Variants in CECR2 observed in about 807,000 individuals in gnomAD.
CECR2 encodes the protein CECR2 histone acetyl-lysine reader.
A neutral mutation model predicts 154.5 loss-of-function variants in CECR2; 30 were observed. That is an observed-to-expected ratio of 0.19 (90% CI 0.15 to 0.26). The LOEUF (loss-of-function observed/expected upper bound fraction) is 0.26, where lower values mean the gene tolerates loss of function less well. Among genes scored for constraint, CECR2 ranks in the 10% least tolerant of loss-of-function variants. The pLI is 1.00. For synonymous variants in CECR2, 725 were observed against 683.7 expected (o/e 1.06, Z -0.94); for missense variants, 1,743 against 1,829.3 (o/e 0.95, Z 0.86).
intron 2 of CECR2, among the ~76,000 whole-genome samples, chr22:17,479,580 T>TC (rs142327658): frequency 0.26 from 39,366 of 151,830 alleles, 5,328 homozygotes; most frequent in East Asian, 0.31. Flanking sequence ...GCTGAGTTCA[T>TC]CCTCTAATTT....
chr22:17,454,472 G>A (rs2054822272), intron 1 of CECR2, among the ~76,000 whole-genome samples: 1 of 151,978 alleles, frequency 6.6e-6, no homozygotes, highest in South Asian at 2.1e-4. Context: ...AGGTGTGGTG[G>A]CGGGCACCTG....
chr22:17,370,324 G>GC (rs1276538030), intron 1 of CECR2, among the ~76,000 whole-genome samples: 1 of 149,196 alleles, frequency 6.7e-6, no homozygotes, highest in African/African-American at 2.5e-5. Context: ...GGGCGCGGGG[G>GC]GGGGGCCCGC....
intron 2 of CECR2, among the ~76,000 whole-genome samples, chr22:17,491,606 G>A (rs964180788): frequency 1.4e-5 from 2 of 145,470 alleles, no homozygotes; most frequent in African/African-American, 2.5e-5. Context: ...TTTAGCAGTC[G>A]TAGGGCAAAC....
chr22:17,417,103 C>T (rs562970454), intron 1 of CECR2, among the ~76,000 whole-genome samples: 10 of 151,454 alleles, frequency 6.6e-5, no homozygotes, highest in African/African-American at 9.7e-5. Flanking sequence ...GATGTTTTAC[C>T]CTCGTTAATT....
rs1278514042 is a variant in CECR2, at chr22:17,548,511, G to A, written c.3224G>A (p.Gly1075Asp). Reference protein sequence around the residue: ...GSEGKGLGSSGSEKLLCPRGR... With the variant: ...GSEGKGLGSSDSEKLLCPRGR... ...GAGGGGAAGGGCCTTGGTAGCAGTG[G>A]TTCCGAAAAGCTGCTCTGCCCCAGA... The change falls in exon 17 of 19, where the codon GGT becomes GAT. Residue 1075 changes from glycine (G) to aspartate (D), a missense_variant. Coordinates refer to ENST00000262608, the MANE Select transcript of CECR2 (RefSeq NM_001290047.2). 1.2e-6 allele frequency: 2 copies of A among 1,613,696 alleles called. No homozygotes were observed. Among genetic ancestry groups the A allele is most frequent in the Non-Finnish European group, 1.7e-6 (2 of 1,179,836 alleles).
At chr22:17,526,521 A>G (rs1334250610) in intron 9 of CECR2, among the ~76,000 whole-genome samples, 1 of 152,186 alleles carries the variant, frequency 6.6e-6, no homozygotes, top group African/African-American at 2.4e-5. Flanking sequence ...TTAAATAATT[A>G]TATCTAAGGC....
At chr22:17,473,620 A>G (rs966782716) in intron 1 of CECR2, among the ~76,000 whole-genome samples, 1 of 152,216 alleles carries the variant, frequency 6.6e-6, no homozygotes, top group African/African-American at 2.4e-5. Flanking sequence ...AGATGAAATA[A>G]TTGTAAGATA....
intron 1 of CECR2, among the ~76,000 whole-genome samples, chr22:17,360,511 G>A (rs1379418379): frequency 1.3e-5 from 2 of 151,914 alleles, no homozygotes; most frequent in South Asian, 2.1e-4. Flanking sequence ...GTGAAACCCC[G>A]TATCTACTAA....
chr22:17,406,145 T>C (rs2053980614), intron 1 of CECR2, among the ~76,000 whole-genome samples: 1 of 152,248 alleles, frequency 6.6e-6, no homozygotes, highest in African/African-American at 2.4e-5. Flanking sequence ...TTTGTATGAC[T>C]TGCATCCTTT....
intron 9 of CECR2, among the ~76,000 whole-genome samples, chr22:17,531,050 T>C (rs1487501933): frequency 1.3e-5 from 2 of 152,164 alleles, no homozygotes; most frequent in African/African-American, 4.8e-5. Flanking sequence ...GGGTGATATG[T>C]CTGGGTAACT....
At position 17,517,992 on chromosome 22, in the gene CECR2, T is replaced by G. The variant is rs145294050; in HGVS notation, c.954+6096T>G. Among the ~76,000 whole-genome samples, 258 of 147,228 alleles carry G rather than the reference T, an allele frequency of 1.8e-3. 2 individuals carry two copies. The highest frequency in any genetic ancestry group is 3.6e-3 in the Admixed American group (54 of 15,142). On this transcript the variant is annotated intron_variant, in intron 8 of 18. Coordinates refer to ENST00000262608, the MANE Select transcript of CECR2 (RefSeq NM_001290047.2). ...AGTGAGTGTTACTCACTGGCCCAGT[T>G]AAGGGCTTTGACACTGACCACCTCT...
Position 17,537,198 on chromosome 22 carries a change from T to G in CECR2, c.1204T>G (p.Ser402Ala), listed in dbSNP as rs1461715815. Residue 402 changes from serine (S) to alanine (A), a missense_variant, in exon 10 of 19, where the codon TCC becomes GCC. Physicochemically the swap from Ser to Ala is moderately conservative, Grantham distance 99. Coordinates refer to ENST00000262608, the MANE Select transcript of CECR2 (RefSeq NM_001290047.2). ...AGAACTTTCCCATCTGGACCCCAAT[T>G]CCCCCATGAGAGAGGAAAAAAAGAC... Reference protein sequence around the residue: ...PPELSHLDPNSPMREEKKTKD... With the variant: ...PPELSHLDPNAPMREEKKTKD... 1 of 1,613,628 alleles carries G rather than the reference T, an allele frequency of 6.2e-7. No homozygotes were observed. The highest frequency in any genetic ancestry group is 8.5e-7 in the Non-Finnish European group (1 of 1,179,802).
intron 1 of CECR2, chr22:17,424,658 GGCGATGTCTGAGT>G (rs1217887340): frequency 6.1e-6 from 1 of 163,330 alleles, no homozygotes; most frequent in Admixed American, 6.5e-5. Context: ...AGAAATGGAA[GGCGATGTCTGAGT>G]GCTCATCGTC....
At chr22:17,479,793 G>T (rs76731349) in intron 2 of CECR2, among the ~76,000 whole-genome samples, 1,820 of 145,394 alleles carry the variant, frequency 0.013, 35 homozygotes, top group East Asian at 0.084. Flanking sequence ...TTTGGGACAG[G>T]GTCTTGCTGT....
At chr22:17,398,444 T>C (rs1318822766) in intron 1 of CECR2, among the ~76,000 whole-genome samples, 5 of 152,188 alleles carry the variant, frequency 3.3e-5, no homozygotes. Flanking sequence ...TAATTTGAGT[T>C]ATGCAGTAGA....
At position 17,541,923 on chromosome 22, in the gene CECR2, C is replaced by T. The variant is rs1430973376; in HGVS notation, c.1969C>T (p.His657Tyr). ...LYGSSGVPEP[H>Y]PGEPVQQRQP... is the part of the protein sequence containing the mutation. ...TGGCTCCTCTGGAGTCCCGGAGCCA[C>T]ACCCCGGGGAGCCTGTGCAGCAGCG... The change falls in exon 15 of 19, where the codon CAC becomes TAC. Residue 657 changes from histidine (H) to tyrosine (Y), a missense_variant. By Grantham distance (83) the His-to-Tyr change is moderately conservative (BLOSUM62 2). Transcript: ENST00000262608. The T allele has an allele frequency of 1.1e-5, 17 of 1,613,890 alleles. No individual in the cohort carries two copies. The highest frequency in any genetic ancestry group is 8.9e-5 in the East Asian group (4 of 44,898).
chr22:17,518,203 C>T (rs928190445), intron 8 of CECR2, among the ~76,000 whole-genome samples: 3 of 152,156 alleles, frequency 2.0e-5, no homozygotes, highest in African/African-American at 2.4e-5. Context: ...TTCTGAGGAG[C>T]GTTTACATAA....
chr22:17,420,220 G>A (rs1173999756), intron 1 of CECR2, among the ~76,000 whole-genome samples: 6 of 152,090 alleles, frequency 3.9e-5, no homozygotes, highest in South Asian at 2.1e-4. Context: ...GGCAGCATAA[G>A]TAATCTCCTA....
At chr22:17,374,312 A>C (rs2063093601) in intron 1 of CECR2, among the ~76,000 whole-genome samples, 1 of 152,204 alleles carries the variant, frequency 6.6e-6, no homozygotes, top group Non-Finnish European at 1.5e-5. Context: ...CAGATTCTTG[A>C]ATTCCACCCT....
Sources: gnomAD v4.1 joint callset for allele counts (sites outside exome capture counted in the v4.1 genomes callset) on GRCh38, gnomAD v4.1.1 for gene constraint, MANE v1.5 for transcripts, NCBI Gene and HGNC (gene_info 2026-07-23, HGNC 2026-07-21) for gene names.